Variants in EIF2AK4 observed in about 807,000 individuals in gnomAD.
EIF2AK4 encodes eIF-2-alpha kinase GCN2.
EIF2AK4 carries 139 observed loss-of-function variants against 211.1 expected under a neutral mutation model. The observed-to-expected ratio is 0.66, with a 90% confidence interval of 0.57 to 0.76. The LOEUF (loss-of-function observed/expected upper bound fraction) is 0.76. EIF2AK4 is among the 30% of genes least tolerant of loss of function. The pLI, the probability that EIF2AK4 is intolerant of heterozygous loss-of-function variation, is 0.00. For synonymous variants in EIF2AK4, 710 were observed against 751.3 expected (o/e 0.94, Z 0.90); for missense variants, 1,664 against 2,043.8 (o/e 0.81, Z 3.58).
chr15:40,016,969 A>T, intron 28 of EIF2AK4, 139 bp from the exon 29 acceptor site: 1 of 1,153,816 alleles, frequency 8.7e-7, no homozygotes, highest in East Asian at 2.4e-5. Context: ...ACAGACTTTG[A>T]GCTAGATCTT....
At chr15:39,976,962 C>G (rs2034707294) in intron 12 of EIF2AK4, 118 bp downstream of exon 12, 1 of 1,277,364 alleles carries the variant, frequency 7.8e-7, no homozygotes, top group African/African-American at 1.6e-5. Flanking sequence ...TCTTTCTTTC[C>G]TTTTTTGAGA....
chr15:40,014,803 T>C (rs2035283416), intron 27 of EIF2AK4, among the ~76,000 whole-genome samples: 1 of 152,204 alleles, frequency 6.6e-6, no homozygotes, highest in African/African-American at 2.4e-5. Flanking sequence ...GCTGCAAATT[T>C]TCTGAATTTT....
intron 20 of EIF2AK4, 111 bp downstream of exon 20, chr15:39,998,895 A>G (rs1304288666): frequency 2.3e-6 from 2 of 855,596 alleles, no homozygotes; most frequent in African/African-American, 3.5e-5. Flanking sequence ...TGTCCTGGGA[A>G]CAACGTGGGG....
rs117436735 is a variant in EIF2AK4, at chr15:39,946,660, A to C, written c.361-2456A>C. On this transcript the variant is annotated intron_variant, in intron 3 of 38. Coordinates refer to ENST00000263791, the MANE Select transcript of EIF2AK4 (RefSeq NM_001013703.4). Reference sequence around the variant, plus strand: ...TGTGACTCAAAGGCTATCAAACAGCATTGAATGCTACAGAGAAATCTTCCA... The same window carrying C: ...TGTGACTCAAAGGCTATCAAACAGCCTTGAATGCTACAGAGAAATCTTCCA... 4,734 of 700,554 alleles carry C rather than the reference A, an allele frequency of 6.8e-3. 33 individuals carry two copies. The highest frequency in any genetic ancestry group is 0.016 in the South Asian group (1,077 of 67,518). 43.4% of individuals were successfully genotyped at this position (700,554 alleles called of 1,614,324 possible).
Position 40,022,616 on chromosome 15 carries a change from C to G in EIF2AK4, c.4389+11C>G. ...GGAAGCCATGTCAAGGTAAAGACGT[C>G]AGAGATTTTTTACAATTCAATAGTT... On this transcript the variant is annotated intron_variant, in intron 32 of 38. Coordinates refer to ENST00000263791, the MANE Select transcript of EIF2AK4 (RefSeq NM_001013703.4). The G allele has an allele frequency of 6.2e-7, 1 of 1,613,392 alleles. No individual in the cohort carries two copies. The highest frequency in any genetic ancestry group is 8.5e-7 in the Non-Finnish European group (1 of 1,179,328).
intron 9 of EIF2AK4, among the ~76,000 whole-genome samples, chr15:39,972,352 A>AG (rs1242298752): frequency 6.6e-6 from 1 of 150,766 alleles, no homozygotes; most frequent in Admixed American, 6.6e-5. Context: ...CCTATTTCAA[A>AG]AAAAAAAAAA....
At chr15:39,966,794 A>ATTTTTTATTAAATAATTTT (rs2034550336) in intron 8 of EIF2AK4, among the ~76,000 whole-genome samples, 1 of 152,192 alleles carries the variant, frequency 6.6e-6, no homozygotes, top group South Asian at 2.1e-4. Flanking sequence ...TTTCTATCAA[A>ATTTTTTATTAAATAATTTT]CTAATTTTTT....
intron 6 of EIF2AK4, 100 bp from the exon 7 acceptor site, chr15:39,961,684 G>A: frequency 2.3e-6 from 2 of 857,958 alleles, no homozygotes; most frequent in Non-Finnish European, 3.6e-6. Flanking sequence ...AAAATGGAGG[G>A]GCATTCTTGC....
chr15:39,954,272 A>T (rs2034359601), intron 5 of EIF2AK4, among the ~76,000 whole-genome samples: 1 of 152,102 alleles, frequency 6.6e-6, no homozygotes, highest in Admixed American at 6.5e-5. Context: ...CTTTTTTTTG[A>T]GACAGAGTCT....
chr15:40,023,313 G>GA lies in EIF2AK4; in HGVS notation c.4389+715dup, dbSNP rs532501555. 2.0e-5 allele frequency among the ~76,000 whole-genome samples: 3 copies of GA among 151,960 alleles called. No individual in the cohort carries two copies. The South Asian group carries it at 6.2e-4, about 32-fold the overall frequency. ...CTTTATTTCTAATTATTTTTAAAGG[G>GA]AAAAAAACTTTCTTAAAAATATTTT... is the stretch of plus-strand genomic sequence containing the variant. On this transcript the variant is annotated intron_variant, in intron 32 of 38. Coordinates refer to ENST00000263791, the MANE Select transcript of EIF2AK4 (RefSeq NM_001013703.4).
chr15:39,973,793 CTG>C (rs1456250488), intron 11 of EIF2AK4, 44 bp downstream of exon 11: 1 of 1,602,512 alleles, frequency 6.2e-7, no homozygotes. Flanking sequence ...AGCTCCTTCT[CTG>C]TTCCATTTCC....
intron 7 of EIF2AK4, among the ~76,000 whole-genome samples, chr15:39,964,813 A>G (rs902028494): frequency 6.6e-5 from 10 of 152,158 alleles, no homozygotes; most frequent in African/African-American, 2.4e-4. Context: ...AATGTGTCTC[A>G]TTTTCTAGCT....
chr15:40,010,112 T>C (rs1487761833), intron 26 of EIF2AK4, among the ~76,000 whole-genome samples: 1 of 152,248 alleles, frequency 6.6e-6, no homozygotes, highest in Non-Finnish European at 1.5e-5. Context: ...TCAAAGATAG[T>C]TAACATTGAC....
chr15:39,952,125 A>G (rs1299622694), intron 4 of EIF2AK4, among the ~76,000 whole-genome samples: 1 of 152,134 alleles, frequency 6.6e-6, no homozygotes, highest in African/African-American at 2.4e-5. Context: ...TTACTTTCCC[A>G]TAGTCAAAAC....
intron 25 of EIF2AK4, among the ~76,000 whole-genome samples, chr15:40,008,826 C>T (rs538626087): frequency 8.5e-5 from 13 of 152,246 alleles, no homozygotes; most frequent in Admixed American, 7.8e-4. Flanking sequence ...TTTCTCCAAG[C>T]AGAACATGTG....
Position 39,934,211 on chromosome 15 carries a change from G to C in EIF2AK4, c.16G>C (p.Gly6Arg). The change falls in exon 1 of 39, where the codon GGG becomes CGG. Residue 6 changes from glycine (G) to arginine (R), a missense_variant. Gly to Arg is a moderately radical substitution (Grantham distance 125, BLOSUM62 -2). Coordinates refer to ENST00000263791, the MANE Select transcript of EIF2AK4 (RefSeq NM_001013703.4). ...CAGCGCTGCCATGGCTGGGGGCCGT[G>C]GGGCCCCCGGGCGCGGCCGGGACGA... is the stretch of plus-strand genomic sequence containing the variant. MAGGR[G>R]APGRGRDEPP... 1.3e-6 allele frequency: 2 copies of C among 1,578,852 alleles called. No homozygotes were observed. Among genetic ancestry groups the C allele is most frequent in the Non-Finnish European group, 1.7e-6 (2 of 1,163,886 alleles).
chr15:40,006,668 T>G (rs555341481), intron 23 of EIF2AK4, among the ~76,000 whole-genome samples: 1 of 152,220 alleles, frequency 6.6e-6, no homozygotes, highest in South Asian at 2.1e-4. Flanking sequence ...TGACATTTTT[T>G]TTAAATTCAT....
chr15:39,959,121 G>C (rs1317875126), intron 6 of EIF2AK4, among the ~76,000 whole-genome samples: 1 of 152,110 alleles, frequency 6.6e-6, no homozygotes, highest in Non-Finnish European at 1.5e-5. Context: ...TTAATATTAT[G>C]ATAATATTGC....
chr15:40,029,593 C>A, intron 34 of EIF2AK4, 129 bp downstream of exon 34: 1 of 945,074 alleles, frequency 1.1e-6, no homozygotes, highest in Non-Finnish European at 1.5e-6. Context: ...ATAAATTGTA[C>A]CACATGGGAT....
Sources: allele counts gnomAD v4.1 joint callset (sites outside exome capture counted in the v4.1 genomes callset), GRCh38; gene constraint gnomAD v4.1.1; transcripts MANE v1.5; gene names NCBI Gene and HGNC (gene_info 2026-07-23, HGNC 2026-07-21).